Variants in FOXP1 observed in about 807,000 individuals in gnomAD.
The protein encoded by FOXP1 is forkhead box P1.
FOXP1 carries 15 observed loss-of-function variants against 98.2 expected under a neutral mutation model. That is an observed-to-expected ratio of 0.15 (90% CI 0.10 to 0.24). The LOEUF is 0.24. FOXP1 is among the 10% of genes least tolerant of loss of function. The pLI is 1.00. For synonymous variants in FOXP1, 371 were observed against 314.5 expected (o/e 1.18, Z -1.90); for missense variants, 633 against 848.5 (o/e 0.75, Z 3.15).
At chr3:71,034,964 T>C (rs2047389433) in intron 11 of FOXP1, among the ~76,000 whole-genome samples, 1 of 152,212 alleles carries the variant, frequency 6.6e-6, no homozygotes, top group Non-Finnish European at 1.5e-5. Flanking sequence ...GATGAGAACC[T>C]GTCTGGGATG....
chr3:71,066,091 CAAAAAAA>C (rs34279433), intron 7 of FOXP1, among the ~76,000 whole-genome samples: 2 of 104,998 alleles, frequency 1.9e-5, no homozygotes, highest in African/African-American at 3.5e-5. Flanking sequence ...TATTTGCCTT[CAAAAAAA>C]AAAAAAAAAA....
intron 12 of FOXP1, among the ~76,000 whole-genome samples, chr3:71,015,154 G>C (rs1483537985): frequency 2.7e-5 from 4 of 150,904 alleles, no homozygotes; most frequent in Admixed American, 2.6e-4. Context: ...AAAAAAAGAA[G>C]ATGACACCTC....
intron 5 of FOXP1, among the ~76,000 whole-genome samples, chr3:71,287,088 C>T (rs2072228188): frequency 6.6e-6 from 1 of 152,094 alleles, no homozygotes; most frequent in African/African-American, 2.4e-5. Flanking sequence ...CTTGGGAAAA[C>T]ACTTAAGATC....
chr3:71,223,665 G>A (rs1176467540), intron 5 of FOXP1, among the ~76,000 whole-genome samples: 6 of 148,456 alleles, frequency 4.0e-5, no homozygotes, highest in Admixed American at 6.7e-5. Context: ...ACCGCACTCC[G>A]GCCTGGTGAC....
At chr3:71,411,960 A>T (rs2108277049) in intron 3 of FOXP1, among the ~76,000 whole-genome samples, 1 of 152,352 alleles carries the variant, frequency 6.6e-6, no homozygotes, top group Middle Eastern at 3.4e-3. Context: ...CAACACTGTG[A>T]CTAAAAGTAA....
At chr3:71,386,380 TG>T (rs2080573201) in intron 3 of FOXP1, among the ~76,000 whole-genome samples, 1 of 152,206 alleles carries the variant, frequency 6.6e-6, no homozygotes, top group Non-Finnish European at 1.5e-5. Context: ...ATCTGACCAT[TG>T]CGTGCCCAGG....
At chr3:71,276,237 T>A (rs1560225291) in intron 5 of FOXP1, 1 of 152,336 alleles carries the variant, frequency 6.6e-6, no homozygotes, top group Non-Finnish European at 1.5e-5. Context: ...TCTTCAGTAA[T>A]GATGTTTTCT....
intron 2 of FOXP1, among the ~76,000 whole-genome samples, chr3:71,575,119 G>A (rs190787483): frequency 7.2e-5 from 11 of 152,266 alleles, no homozygotes; most frequent in Admixed American, 5.9e-4. Flanking sequence ...TCCAGGAGTC[G>A]TGCAACTGTG....
chr3:71,124,570 A>C (rs2059019514), intron 6 of FOXP1, among the ~76,000 whole-genome samples: 4 of 151,718 alleles, frequency 2.6e-5, no homozygotes, highest in Admixed American at 2.6e-4. Flanking sequence ...ATAATACAGC[A>C]TGATGTATGC....
intron 6 of FOXP1, among the ~76,000 whole-genome samples, chr3:71,133,243 C>T (rs762116139): frequency 5.9e-5 from 9 of 152,158 alleles, no homozygotes; most frequent in South Asian, 2.1e-4. Flanking sequence ...AAATCTGACA[C>T]GTATAAAGAC....
intron 3 of FOXP1, among the ~76,000 whole-genome samples, chr3:71,467,942 T>A (rs75376304): frequency 0.012 from 1,819 of 152,292 alleles, 28 homozygotes; most frequent in African/African-American, 0.041. Context: ...GATTCCAATA[T>A]GTTACAAGTC....
chr3:71,030,851 T>C (rs968954828), intron 11 of FOXP1, among the ~76,000 whole-genome samples: 1 of 152,350 alleles, frequency 6.6e-6, no homozygotes, highest in East Asian at 1.9e-4. Context: ...CACTGATCTT[T>C]AACACGAGAC....
At chr3:71,210,697 C>G (rs552044558) in intron 5 of FOXP1, 1 of 152,252 alleles carries the variant, frequency 6.6e-6, no homozygotes, top group African/African-American at 2.4e-5. Flanking sequence ...GCTCACTACC[C>G]TATGGATGAC....
intron 2 of FOXP1, among the ~76,000 whole-genome samples, chr3:71,521,779 T>C (rs956811413): frequency 1.3e-5 from 2 of 152,208 alleles, no homozygotes; most frequent in African/African-American, 4.8e-5. Flanking sequence ...ATGAAACTAA[T>C]GTTTCTCCCA....
intron 9 of FOXP1, among the ~76,000 whole-genome samples, chr3:71,049,072 C>T (rs147676898): frequency 9.4e-4 from 143 of 152,192 alleles, no homozygotes; most frequent in East Asian, 5.8e-3. Context: ...GATACGGGTC[C>T]ATTTGTTTAC....
chr3:71,412,881 A>C (rs1270121701), intron 3 of FOXP1, among the ~76,000 whole-genome samples: 1 of 152,122 alleles, frequency 6.6e-6, no homozygotes, highest in Admixed American at 6.5e-5. Context: ...TCTAATTAAA[A>C]ATATTTTCCT....
At chr3:71,247,787 T>C (rs1401985875) in intron 5 of FOXP1, among the ~76,000 whole-genome samples, 1 of 152,156 alleles carries the variant, frequency 6.6e-6, no homozygotes, top group East Asian at 1.9e-4. Context: ...CTCCAGAGGG[T>C]GGAGCCATAA....
chr3:71,561,258 G>C, intron 2 of FOXP1, among the ~76,000 whole-genome samples: 1 of 152,054 alleles, frequency 6.6e-6, no homozygotes, highest in Non-Finnish European at 1.5e-5. Flanking sequence ...ATTTCACCTT[G>C]TTGGCCAGGC....
chr3:71,390,063 C>T (rs1014576557), intron 3 of FOXP1, among the ~76,000 whole-genome samples: 2 of 152,024 alleles, frequency 1.3e-5, no homozygotes, highest in East Asian at 1.9e-4. Context: ...GTGTGCATGG[C>T]GAAGGCATCG....
Sources: gnomAD v4.1 joint callset for allele counts (sites outside exome capture counted in the v4.1 genomes callset) on GRCh38, gnomAD v4.1.1 for gene constraint, MANE v1.5 for transcripts, NCBI Gene and HGNC (gene_info 2026-07-23, HGNC 2026-07-21) for gene names.